Variants in NT5DC1 observed in about 807,000 individuals in gnomAD.
NT5DC1 encodes the protein 5'-nucleotidase domain-containing protein 1.
Under a neutral mutation model 59.4 loss-of-function variants are expected in NT5DC1, and 42 were observed. That is an observed-to-expected ratio of 0.71 (90% CI 0.55 to 0.92). The LOEUF (loss-of-function observed/expected upper bound fraction) is 0.92, where lower values mean the gene tolerates loss of function less well. Among genes scored for constraint, NT5DC1 ranks in the 40% least tolerant of loss-of-function variants. The pLI is 0.00. For synonymous variants in NT5DC1, 172 were observed against 188.1 expected, an observed-to-expected ratio of 0.91 and a Z score of 0.70; for missense variants, 501 against 537.1, an observed-to-expected ratio of 0.93 and a Z score of 0.66.
intron 6 of NT5DC1, among the ~76,000 whole-genome samples, chr6:116,130,978 A>G (rs185835778): frequency 1.8e-4 from 27 of 152,290 alleles, no homozygotes; most frequent in African/African-American, 6.3e-4. Flanking sequence ...AGTTGATTCA[A>G]TGTGGTAATA....
intron 6 of NT5DC1, among the ~76,000 whole-genome samples, chr6:116,163,141 A>AAATATATATATATATATATAT (rs761718922): frequency 1.1e-5 from 1 of 88,410 alleles, no homozygotes; most frequent in African/African-American, 5.8e-5. Context: ...AAAAAAAAAA[A>AAATATATATATATATATATAT]ATATATATAT....
At chr6:116,101,102 A>G in intron 1 of NT5DC1, 79 bp downstream of exon 1, 1 of 1,062,996 alleles carries the variant, frequency 9.4e-7, no homozygotes, top group Non-Finnish European at 1.4e-6. Flanking sequence ...AGGTTTGGGC[A>G]ACGGCGGACG....
At chr6:116,111,222 A>G (rs1353449714) in intron 4 of NT5DC1, among the ~76,000 whole-genome samples, 1 of 152,242 alleles carries the variant, frequency 6.6e-6, no homozygotes, top group Non-Finnish European at 1.5e-5. Flanking sequence ...GCACTTAGGA[A>G]TAATACAATC....
chr6:116,151,896 CTG>C (rs1187870732), intron 6 of NT5DC1, among the ~76,000 whole-genome samples: 2 of 152,146 alleles, frequency 1.3e-5, no homozygotes, highest in African/African-American at 2.4e-5. Context: ...TTCTGAAACA[CTG>C]ATGCATTTAT....
At chr6:116,221,515 A>G (rs1217797162) in intron 7 of NT5DC1, among the ~76,000 whole-genome samples, 3 of 152,174 alleles carry the variant, frequency 2.0e-5, no homozygotes, top group East Asian at 3.8e-4. Flanking sequence ...TCAGTTTTCC[A>G]TGAATTTGGT....
chr6:116,240,316 A>G (rs1407405373), intron 11 of NT5DC1, among the ~76,000 whole-genome samples: 1 of 152,262 alleles, frequency 6.6e-6, no homozygotes, highest in Non-Finnish European at 1.5e-5. Context: ...AAACAATACA[A>G]CAATTTAAAA....
intron 6 of NT5DC1, among the ~76,000 whole-genome samples, chr6:116,151,040 T>C (rs886700988): frequency 2.6e-5 from 4 of 152,224 alleles, no homozygotes; most frequent in Non-Finnish European, 5.9e-5. Flanking sequence ...GTTATCTCAT[T>C]GATAGAAATC....
At chr6:116,207,694 C>T (rs986093351) in intron 6 of NT5DC1, among the ~76,000 whole-genome samples, 6 of 151,614 alleles carry the variant, frequency 4.0e-5, no homozygotes, top group African/African-American at 1.2e-4. Flanking sequence ...GGTTAAAAGC[C>T]CTGCTTAGAG....
chr6:116,118,643 A>G (rs1240277692), intron 6 of NT5DC1, among the ~76,000 whole-genome samples: 1 of 152,220 alleles, frequency 6.6e-6, no homozygotes, highest in Non-Finnish European at 1.5e-5. Flanking sequence ...TAAATATTAT[A>G]ACCAAAAACA....
chr6:116,126,864 A>T (rs1029643573), intron 6 of NT5DC1, among the ~76,000 whole-genome samples: 1 of 152,128 alleles, frequency 6.6e-6, no homozygotes, highest in African/African-American at 2.4e-5. Context: ...AAAAAATATT[A>T]TTGGCTTAAC....
chr6:116,120,683 G>C (rs1485307336), intron 6 of NT5DC1: 3 of 1,546,902 alleles, frequency 1.9e-6, no homozygotes, highest in African/African-American at 2.8e-5. Flanking sequence ...TGCTATGCCA[G>C]CTGGGCCAGG....
chr6:116,160,502 T>A (rs1780301260), intron 6 of NT5DC1, among the ~76,000 whole-genome samples: 2 of 152,232 alleles, frequency 1.3e-5, no homozygotes, highest in Admixed American at 1.3e-4. Context: ...TTAACTTCTT[T>A]ACAGATTCTG....
At position 116,131,143 on chromosome 6, in the gene NT5DC1, G is replaced by C. The variant is rs962378428; in HGVS notation, c.529+13198G>C. Reference sequence around the variant, plus strand: ...TAACAACCAACCTGAGGGTGAAGGAGATGTGTTTGCTGATCTCCGTGGTAT... The same window carrying C: ...TAACAACCAACCTGAGGGTGAAGGACATGTGTTTGCTGATCTCCGTGGTAT... On this transcript the variant is annotated intron_variant, in intron 6 of 11. Coordinates refer to ENST00000319550, the MANE Select transcript of NT5DC1 (RefSeq NM_152729.3). Among the ~76,000 whole-genome samples, 4 of 152,134 alleles carry C rather than the reference G, an allele frequency of 2.6e-5. No homozygotes were observed. The South Asian group carries it at 6.2e-4, about 24-fold the overall frequency.
In NT5DC1 at chr6:116,110,879, C is replaced by T. The variant is rs759616774; in HGVS notation, c.287C>T (p.Pro96Leu). The change falls in exon 4 of 12, where the codon CCA becomes CTA. Residue 96 changes from proline to leucine, a missense_variant. Transcript: ENST00000319550. The stretch of plus-strand genomic sequence containing the variant: ...AGCCATGGCACCAAGATGATGACTC[C>T]AGAGGTGCTGGCAGAGGCATATGGC... Reference protein sequence around the residue: ...RASHGTKMMTPEVLAEAYGKK... With the variant: ...RASHGTKMMTLEVLAEAYGKK... 10 of 1,613,856 alleles carry T rather than the reference C, an allele frequency of 6.2e-6. No individual in the cohort carries two copies. In the South Asian group the frequency reaches 8.8e-5, roughly 14 times the overall value.
At position 116,100,860 on chromosome 6, in the gene NT5DC1, C is replaced by A; in HGVS notation, c.-71C>A. 3 of 1,230,928 alleles carry A rather than the reference C, an allele frequency of 2.4e-6. No individual in the cohort carries two copies. Among genetic ancestry groups the A allele is most frequent in the Non-Finnish European group, 3.4e-6 (3 of 886,982 alleles). The allele number at this position is 1,230,928 out of a possible 1,614,324, so 76.3% of individuals were successfully genotyped here. On this transcript the variant is annotated 5_prime_UTR_variant, in exon 1 of 12. Coordinates refer to ENST00000319550, the MANE Select transcript of NT5DC1 (RefSeq NM_152729.3). ...CGCCGCGTCCGGCCCGGTCCTGTCC[C>A]GCAGCGTCCCGCCAGCCAGCTCCTT...
chr6:116,163,126 CAAAA>C lies in NT5DC1; in HGVS notation c.529+45194_529+45197del, dbSNP rs71272373. Among the ~76,000 whole-genome samples the C allele has an allele frequency of 8.3e-5, 7 of 84,304 alleles. No homozygotes were observed. The East Asian group carries it at 1.4e-3, about 16-fold the overall frequency. 55.3% of individuals were successfully genotyped at this position (84,304 alleles called of 152,430 possible). On this transcript the variant is annotated intron_variant, in intron 6 of 11. Coordinates refer to ENST00000319550, the MANE Select transcript of NT5DC1 (RefSeq NM_152729.3). ...TGGGAGACACAGCGAGACTCCGTCT[CAAAA>C]AAAAAAAAAAAATATATATATATAT...
At chr6:116,185,431 TGATGGCCTGTCTA>T (rs962352030) in intron 6 of NT5DC1, among the ~76,000 whole-genome samples, 17 of 152,234 alleles carry the variant, frequency 1.1e-4, no homozygotes, top group Admixed American at 7.8e-4. Context: ...CTTTCTGTCT[TGATGGCCTGTCTA>T]ATGCTGTCAG....
At chr6:116,130,929 A>G (rs1779442711) in intron 6 of NT5DC1, among the ~76,000 whole-genome samples, 1 of 152,184 alleles carries the variant, frequency 6.6e-6, no homozygotes, top group African/African-American at 2.4e-5. Context: ...TGGTATTTTC[A>G]CTAGAGCTGC....
chr6:116,240,972 C>G (rs984945383), intron 11 of NT5DC1, among the ~76,000 whole-genome samples: 2 of 151,730 alleles, frequency 1.3e-5, no homozygotes, highest in African/African-American at 4.8e-5. Context: ...GGTGAAACCC[C>G]GTCTCTACTA....
Sources: gnomAD v4.1 joint callset for allele counts (sites outside exome capture counted in the v4.1 genomes callset) on GRCh38, gnomAD v4.1.1 for gene constraint, MANE v1.5 for transcripts, NCBI Gene and HGNC (gene_info 2026-07-23, HGNC 2026-07-21) for gene names.